Variants in CNTNAP2 observed in about 807,000 individuals in gnomAD.
CNTNAP2 encodes contactin associated protein 2.
CNTNAP2 carries 98 observed loss-of-function variants against 155.2 expected under a neutral mutation model. That is an observed-to-expected ratio of 0.63 (90% CI 0.54 to 0.75). The LOEUF is 0.75. Among genes scored for constraint, CNTNAP2 ranks in the 30% least tolerant of loss-of-function variants. The pLI is 0.00. For missense variants in CNTNAP2, 1,727 were observed against 1,688.1 expected (o/e 1.02, Z -0.40); for synonymous variants, 651 against 631.2 (o/e 1.03, Z -0.47).
At chr7:147,294,039 A>G (rs985065932) in intron 8 of CNTNAP2, among the ~76,000 whole-genome samples, 1 of 152,190 alleles carries the variant, frequency 6.6e-6, no homozygotes, top group African/African-American at 2.4e-5. Flanking sequence ...AATTATAACA[A>G]TGGTACATAC....
chr7:146,957,086 G>C (rs531323667), intron 3 of CNTNAP2, among the ~76,000 whole-genome samples: 3 of 152,054 alleles, frequency 2.0e-5, no homozygotes, highest in African/African-American at 7.2e-5. Flanking sequence ...TTTTGTCATA[G>C]TGTAAATATC....
At chr7:147,210,711 T>C (rs1287602392) in intron 8 of CNTNAP2, among the ~76,000 whole-genome samples, 1 of 151,994 alleles carries the variant, frequency 6.6e-6, no homozygotes, top group Non-Finnish European at 1.5e-5. Context: ...TTCTAATTTT[T>C]TGAGGTAAGT....
At chr7:147,732,856 C>A (rs1231665143) in intron 13 of CNTNAP2, among the ~76,000 whole-genome samples, 2 of 152,138 alleles carry the variant, frequency 1.3e-5, no homozygotes, top group Admixed American at 1.3e-4. Context: ...CTGTTCATAT[C>A]CTTCGCCCAC....
chr7:148,039,789 T>C lies in CNTNAP2; in HGVS notation c.2383+61800T>C, dbSNP rs138197518. Among the ~76,000 whole-genome samples the C allele has an allele frequency of 9.8e-3, 1,493 of 152,340 alleles. 22 individuals are homozygous for C. The highest frequency in any genetic ancestry group is 0.034 in the African/African-American group (1,419 of 41,576). ...TCACATACAAGAACCCTCTGCTTTC[T>C]CATCTAAGAGTTTCAGAGATGCCAA... On this transcript the variant is annotated intron_variant, in intron 15 of 23. Transcript: ENST00000361727.
chr7:147,597,677 G>T (rs942033515), intron 12 of CNTNAP2, among the ~76,000 whole-genome samples: 1 of 152,174 alleles, frequency 6.6e-6, no homozygotes, highest in African/African-American at 2.4e-5. Context: ...TCATCTCAGA[G>T]AAGTGCTTTT....
intron 15 of CNTNAP2, among the ~76,000 whole-genome samples, chr7:147,981,480 G>A (rs1363743986): frequency 1.3e-5 from 2 of 152,192 alleles, no homozygotes; most frequent in Non-Finnish European, 2.9e-5. Flanking sequence ...AGCTTATAAA[G>A]ACTAAACCTA....
At chr7:146,469,844 T>A (rs1277720772) in intron 1 of CNTNAP2, among the ~76,000 whole-genome samples, 1 of 145,724 alleles carries the variant, frequency 6.9e-6, no homozygotes, top group Admixed American at 6.8e-5. Context: ...TTGACATTTT[T>A]TTTTTTTTTT....
chr7:146,432,848 T>C (rs1481806658), intron 1 of CNTNAP2, among the ~76,000 whole-genome samples: 1 of 152,184 alleles, frequency 6.6e-6, no homozygotes, highest in Non-Finnish European at 1.5e-5. Context: ...AATCAAAGCC[T>C]GCATTCTCCG....
At chr7:147,273,200 C>T (rs934733694) in intron 8 of CNTNAP2, among the ~76,000 whole-genome samples, 2 of 152,046 alleles carry the variant, frequency 1.3e-5, no homozygotes, top group Non-Finnish European at 1.5e-5. Flanking sequence ...CACCACTTCG[C>T]GCCGAAATTT....
intron 15 of CNTNAP2, among the ~76,000 whole-genome samples, chr7:148,014,755 A>T (rs4726905): frequency 0.34 from 52,416 of 152,080 alleles, 9,819 homozygotes; most frequent in East Asian, 0.74. Flanking sequence ...AGAAGCCAAT[A>T]ATAATTAAAG....
At chr7:146,629,217 C>G (rs118038687) in intron 1 of CNTNAP2, among the ~76,000 whole-genome samples, 4,606 of 152,198 alleles carry the variant, frequency 0.03, 133 homozygotes, top group East Asian at 0.037. Context: ...AGTCTGTCCC[C>G]TGGCAGTTAC....
chr7:146,919,458 C>G (rs1253429901), intron 3 of CNTNAP2, among the ~76,000 whole-genome samples: 1 of 152,144 alleles, frequency 6.6e-6, no homozygotes, highest in East Asian at 1.9e-4. Context: ...TATTTGTCTT[C>G]TGGATCTAGC....
chr7:146,632,042 C>T (rs1799519303), intron 1 of CNTNAP2, among the ~76,000 whole-genome samples: 1 of 152,146 alleles, frequency 6.6e-6, no homozygotes, highest in South Asian at 2.1e-4. Flanking sequence ...TTAGCAAGAG[C>T]ATATTCTGCA....
At chr7:146,159,494 C>A (rs751260075) in intron 1 of CNTNAP2, among the ~76,000 whole-genome samples, 32 of 151,944 alleles carry the variant, frequency 2.1e-4, no homozygotes, top group Non-Finnish European at 3.7e-4. Flanking sequence ...TTCAGGAGAC[C>A]CACCTCACAT....
At chr7:148,101,350 AGTGTGTGTGTGTGTGTGTGTGTGT>A (rs4015917) in intron 15 of CNTNAP2, among the ~76,000 whole-genome samples, 6 of 144,358 alleles carry the variant, frequency 4.2e-5, no homozygotes, top group South Asian at 2.3e-4. Flanking sequence ...TAAAAAGTTC[AGTGTGTGTGTGTGTGTGTGTGTGT>A]GTGTGTGTGT....
chr7:146,530,980 C>G (rs574365653), intron 1 of CNTNAP2, among the ~76,000 whole-genome samples: 3 of 152,304 alleles, frequency 2.0e-5, no homozygotes, highest in East Asian at 3.9e-4. Flanking sequence ...ACCTAAATGC[C>G]CATCAGCAGT....
At chr7:148,073,847 T>C (rs1182662209) in intron 15 of CNTNAP2, among the ~76,000 whole-genome samples, 4 of 152,024 alleles carry the variant, frequency 2.6e-5, no homozygotes, top group Non-Finnish European at 4.4e-5. Flanking sequence ...GACACAAATA[T>C]AGTATTCACA....
intron 1 of CNTNAP2, among the ~76,000 whole-genome samples, chr7:146,381,201 A>G (rs544712694): frequency 2.0e-5 from 3 of 152,030 alleles, no homozygotes; most frequent in Non-Finnish European, 4.4e-5. Context: ...GACTCAATGC[A>G]CTTTGGCACA....
At chr7:146,699,590 T>TTAAGATTAATTCAGCTC (rs1431111159) in intron 1 of CNTNAP2, among the ~76,000 whole-genome samples, 3 of 152,092 alleles carry the variant, frequency 2.0e-5, no homozygotes, top group Non-Finnish European at 4.4e-5. Context: ...TTTCTCTTCT[T>TTAAGATTAATTCAGCTC]TAAGATTAAT....
Sources: gnomAD v4.1 joint callset for allele counts (sites outside exome capture counted in the v4.1 genomes callset) on GRCh38, gnomAD v4.1.1 for gene constraint, MANE v1.5 for transcripts, NCBI Gene and HGNC (gene_info 2026-07-23, HGNC 2026-07-21) for gene names.